Variants in NREP observed in about 807,000 individuals in gnomAD.
The protein encoded by NREP is neuronal regeneration related protein.
NREP carries 5 observed loss-of-function variants against 8.6 expected under a neutral mutation model. The observed-to-expected ratio is 0.58, with a 90% CI of 0.30 to 1.22. The LOEUF is 1.22. Ranked by LOEUF, NREP falls within the 50% of genes most tolerant of loss-of-function variation. The pLI is 0.07. For missense variants in NREP, 86 were observed against 82.5 expected, an observed-to-expected ratio of 1.04 and a Z score of -0.17; for synonymous variants, 27 against 28.0, an observed-to-expected ratio of 0.96 and a Z score of 0.11.
intron 2 of NREP, among the ~76,000 whole-genome samples, chr5:111,750,034 C>A (rs1211599595): frequency 6.6e-6 from 1 of 152,072 alleles, no homozygotes; most frequent in Non-Finnish European, 1.5e-5. Flanking sequence ...TGAGTGAGAG[C>A]CCTGGGCCAT....
At chr5:111,859,114 G>A (rs1229826767) in intron 2 of NREP, among the ~76,000 whole-genome samples, 1 of 152,108 alleles carries the variant, frequency 6.6e-6, no homozygotes, top group African/African-American at 2.4e-5. Context: ...GAATTGTTGA[G>A]ACTGAAGAAG....
intron 2 of NREP, among the ~76,000 whole-genome samples, chr5:111,876,595 C>CA (rs1247283208): frequency 7.9e-5 from 12 of 152,042 alleles, no homozygotes; most frequent in Non-Finnish European, 1.8e-4. Flanking sequence ...CAAAACAAAA[C>CA]AAAAAAGAAA....
intron 2 of NREP, among the ~76,000 whole-genome samples, chr5:111,915,189 C>G (rs1357979059): frequency 1.3e-5 from 2 of 152,020 alleles, no homozygotes; most frequent in Admixed American, 1.3e-4. Context: ...TTTGCATTCC[C>G]CCAGGGTGGT....
chr5:111,932,418 C>T (rs1218662401), intron 2 of NREP, among the ~76,000 whole-genome samples: 1 of 152,100 alleles, frequency 6.6e-6, no homozygotes, highest in Non-Finnish European at 1.5e-5. Flanking sequence ...CAGTCACATT[C>T]ATTATCTGAG....
At chr5:111,891,709 G>A (rs1174821250) in intron 2 of NREP, among the ~76,000 whole-genome samples, 1 of 152,224 alleles carries the variant, frequency 6.6e-6, no homozygotes, top group Non-Finnish European at 1.5e-5. Flanking sequence ...GGCAAAGGAG[G>A]AGTAGGCATC....
chr5:111,871,053 C>CAT (rs10623716), intron 2 of NREP, among the ~76,000 whole-genome samples: 1 of 142,610 alleles, frequency 7.0e-6, no homozygotes, highest in Non-Finnish European at 1.5e-5. Context: ...GAACCAATGG[C>CAT]GTGTGTGTGT....
chr5:111,955,530 T>C, intron 2 of NREP, among the ~76,000 whole-genome samples: 1 of 150,792 alleles, frequency 6.6e-6, no homozygotes. Context: ...CTAAGACTTG[T>C]GATAAGAAAA....
chr5:111,748,310 AT>A (rs1750134279), intron 2 of NREP, among the ~76,000 whole-genome samples: 1 of 152,132 alleles, frequency 6.6e-6, no homozygotes, highest in Non-Finnish European at 1.5e-5. Context: ...TCAGTAGTAA[AT>A]TGTTCATCAG....
At chr5:111,856,871 G>A (rs566115386) in intron 2 of NREP, among the ~76,000 whole-genome samples, 12 of 152,102 alleles carry the variant, frequency 7.9e-5, no homozygotes, top group African/African-American at 2.4e-4. Context: ...ATTGGTTGGC[G>A]GCTGGTTGAG....
chr5:111,759,394 T>G (rs1413554773), upstream of NREP, among the ~76,000 whole-genome samples: 1 of 151,680 alleles, frequency 6.6e-6, no homozygotes, highest in Non-Finnish European at 1.5e-5. Flanking sequence ...CACAGAGAAG[T>G]GTTAATTTTT....
In NREP at chr5:111,730,607, C is replaced by T. The variant is rs766414328; in HGVS notation, c.*314G>A. 4.5e-6 allele frequency: 1 copy of T among 221,496 alleles called. No individual in the cohort carries two copies. The highest frequency in any genetic ancestry group is 8.9e-6 in the Non-Finnish European group (1 of 112,634). 13.7% of individuals were successfully genotyped at this position (221,496 alleles called of 1,614,324 possible). A position where few individuals can be genotyped will look rare whatever the true frequency, so the allele number is the denominator to read the frequency against. ...GTGTGAGTGAAAAGGCAGGAGTGGACCGGTTGTGTGAGCGCGGTGGGAGTT... is the reference window on the plus strand; with the variant it reads ...GTGTGAGTGAAAAGGCAGGAGTGGATCGGTTGTGTGAGCGCGGTGGGAGTT... On this transcript the variant is annotated 3_prime_UTR_variant, in exon 4 of 4. Transcript: ENST00000257435.
At chr5:111,837,737 A>G (rs1247857631) in intron 2 of NREP, among the ~76,000 whole-genome samples, 1 of 152,054 alleles carries the variant, frequency 6.6e-6, no homozygotes, top group Non-Finnish European at 1.5e-5. Flanking sequence ...ATAAATTGCT[A>G]TTGAAATCAT....
rs114482074 is a variant in NREP at position 111,940,803 on chromosome 5, C to T, written c.135+34471G>A. 4.1e-3 allele frequency among the ~76,000 whole-genome samples: 625 copies of T among 152,056 alleles called. 4 individuals carry two copies. Among genetic ancestry groups the T allele is most frequent in the African/African-American group, 0.014 (588 of 41,508 alleles). On this transcript the variant is annotated intron_variant, in intron 2 of 3. Transcript: ENST00000395634. The stretch of plus-strand genomic sequence containing the variant: ...GAGGGTCCCTGAGACCACACTCATG[C>T]CCCAAAATTCACTAGAAGGACTCAG...
chr5:111,836,927 T>C (rs1483841920), intron 2 of NREP, among the ~76,000 whole-genome samples: 2 of 152,214 alleles, frequency 1.3e-5, no homozygotes, highest in Middle Eastern at 3.4e-3. Flanking sequence ...CCCTAACCTC[T>C]AAGTCTGTAT....
intron 2 of NREP, among the ~76,000 whole-genome samples, chr5:111,886,972 T>C (rs542671054): frequency 6.6e-6 from 1 of 150,896 alleles, no homozygotes; most frequent in African/African-American, 2.5e-5. Context: ...TAAAGTAGAT[T>C]AATAATAAAA....
At chr5:111,967,949 T>G (rs1756692249) in intron 2 of NREP, among the ~76,000 whole-genome samples, 1 of 152,194 alleles carries the variant, frequency 6.6e-6, no homozygotes, top group Non-Finnish European at 1.5e-5. Flanking sequence ...TAGCAGAAAC[T>G]CCTATTAGGT....
chr5:111,859,833 T>TG (rs538399839), intron 2 of NREP, among the ~76,000 whole-genome samples: 500 of 152,170 alleles, frequency 3.3e-3, no homozygotes, highest in African/African-American at 0.011. Context: ...TTCTGTTTCT[T>TG]GGGGGGCAGT....
chr5:111,735,385 C>A, intron 3 of NREP, 45 bp downstream of exon 3: 1 of 1,295,340 alleles, frequency 7.7e-7, no homozygotes, highest in Non-Finnish European at 1.1e-6. Context: ...ACAATTGTTT[C>A]TATATTGAAA....
At chr5:111,756,586 C>A (rs1436162352) in intron 1 of NREP, among the ~76,000 whole-genome samples, 1 of 151,796 alleles carries the variant, frequency 6.6e-6, no homozygotes, top group East Asian at 1.9e-4. Context: ...TTATAATCAC[C>A]AAGAAAAAAA....
Sources: allele counts gnomAD v4.1 joint callset (sites outside exome capture counted in the v4.1 genomes callset), GRCh38; gene constraint gnomAD v4.1.1; transcripts MANE v1.5; gene names NCBI Gene and HGNC (gene_info 2026-07-23, HGNC 2026-07-21).